The following CDKL2 variants were observed in gnomAD, a reference collection of about 807,000 sequenced individuals.
CDKL2 encodes the protein cyclin dependent kinase like 2.
CDKL2 carries 64 observed loss-of-function variants against 63.9 expected under a neutral mutation model. The ratio of observed to expected loss-of-function variants is 1.00; its 90% CI spans 0.82 to 1.23. The LOEUF is 1.23. Ranked by LOEUF, CDKL2 falls within the 50% of genes most tolerant of loss-of-function variation. The probability of loss-of-function intolerance (pLI) is 0.00; values close to 1 mark genes in which losing one functional copy is unlikely to be tolerated. For synonymous variants in CDKL2, 211 were observed against 229.2 expected (o/e 0.92, Z 0.72); for missense variants, 656 against 668.0 (o/e 0.98, Z 0.20).
intron 2 of CDKL2, among the ~76,000 whole-genome samples, chr4:75,622,413 G>A (rs1038065373): frequency 4.6e-5 from 7 of 151,954 alleles, no homozygotes; most frequent in African/African-American, 7.2e-5. Context: ...TACTAATGAC[G>A]AAGTGTATGT....
At chr4:75,585,053 TTAAATA>T (rs1164231843) in intron 12 of CDKL2, among the ~76,000 whole-genome samples, 1 of 152,044 alleles carries the variant, frequency 6.6e-6, no homozygotes, top group African/African-American at 2.4e-5. Flanking sequence ...AAGAAACACT[TTAAATA>T]TAAATATAAA....
At chr4:75,606,683 GA>G (rs971346555) in intron 4 of CDKL2, among the ~76,000 whole-genome samples, 4 of 152,124 alleles carry the variant, frequency 2.6e-5, no homozygotes, top group Non-Finnish European at 5.9e-5. Flanking sequence ...CAGTAATCAA[GA>G]AAATAATAAA....
chr4:75,605,151 C>T (rs943899301), intron 5 of CDKL2, among the ~76,000 whole-genome samples: 2 of 152,150 alleles, frequency 1.3e-5, no homozygotes, highest in African/African-American at 4.8e-5. Flanking sequence ...GTCAGGAGTT[C>T]GAGTCCAGAC....
intron 3 of CDKL2, among the ~76,000 whole-genome samples, chr4:75,608,921 G>T (rs1729550007): frequency 6.6e-6 from 1 of 151,574 alleles, no homozygotes; most frequent in Non-Finnish European, 1.5e-5. Context: ...TTGTACCCAG[G>T]AGGTGGAGGT....
At chr4:75,603,760 A>AAG in intron 6 of CDKL2, 57 bp downstream of exon 6, 1 of 960,158 alleles carries the variant, frequency 1.0e-6, no homozygotes, top group African/African-American at 1.7e-5. Flanking sequence ...AAAAAAAAAA[A>AAG]GGTCTTGATA....
intron 2 of CDKL2, among the ~76,000 whole-genome samples, chr4:75,618,598 T>G (rs1238074396): frequency 6.6e-6 from 1 of 152,116 alleles, no homozygotes; most frequent in African/African-American, 2.4e-5. Context: ...AAAAATCTTC[T>G]TAAACATATA....
chr4:75,595,315 A>G (rs951606868), intron 10 of CDKL2, among the ~76,000 whole-genome samples: 1 of 151,724 alleles, frequency 6.6e-6, no homozygotes, highest in African/African-American at 2.4e-5. Context: ...GGCTCAAGCA[A>G]CCCACCCATC....
chr4:75,607,209 TAGTTCTGG>T lies in CDKL2; in HGVS notation c.508_515del (p.Pro170IlefsTer4). On this transcript the variant is annotated frameshift_variant, in exon 4 of 14. Transcript: ENST00000307465. LOFTEE classifies it high-confidence loss of function. Reference sequence around the variant, plus strand: ...TGCCATACTTGACATCACCAACCAATAGTTCTGGAGCTCTGTACCATCGGGTTGCCACA... The same window carrying T: ...TGCCATACTTGACATCACCAACCAATAGCTCTGTACCATCGGGTTGCCACA... 6.2e-7 allele frequency: 1 copy of T among 1,610,582 alleles called. No homozygotes were observed. The highest frequency in any genetic ancestry group is 8.5e-7 in the Non-Finnish European group (1 of 1,177,958).
intron 5 of CDKL2, 51 bp downstream of exon 5, chr4:75,605,471 C>A (rs772660585): frequency 9.0e-7 from 1 of 1,106,146 alleles, no homozygotes; most frequent in Admixed American, 2.0e-5. Flanking sequence ...CAGGCACAAA[C>A]AAATATGCAG....
At position 75,581,873 on chromosome 4, in the gene CDKL2, T is replaced by A; in HGVS notation, c.1673A>T (p.Asp558Val). The stretch of plus-strand genomic sequence containing the variant: ...CATTTGAGGCAAATCAGCCCCTGAA[T>A]CATCTGACAGGGGAGGTCCTGATAC... ...HQVSGPPLSDDSGADLPQMEH... is the reference protein window; with the variant it reads ...HQVSGPPLSDVSGADLPQMEH... The change falls in exon 13 of 14, where the codon GAT (aspartate) becomes GTT (valine). Residue 558 changes from aspartate to valine, a missense_variant. Coordinates refer to ENST00000307465, the MANE Select transcript of CDKL2 (RefSeq NM_001330724.2). The A allele has an allele frequency of 6.2e-7, 1 of 1,612,338 alleles. No individual in the cohort carries two copies. Among genetic ancestry groups the A allele is most frequent in the Non-Finnish European group, 8.5e-7 (1 of 1,178,658 alleles).
intron 12 of CDKL2, among the ~76,000 whole-genome samples, chr4:75,591,581 A>G (rs543587403): frequency 2.5e-4 from 38 of 152,210 alleles, no homozygotes; most frequent in Non-Finnish European, 5.3e-4. Context: ...TGGGCACCAG[A>G]GTGAGACCAT....
chr4:75,622,712 C>T (rs1578354236), intron 2 of CDKL2, among the ~76,000 whole-genome samples: 1 of 15,488 alleles, frequency 6.5e-5, no homozygotes, highest in Non-Finnish European at 1.2e-4. Flanking sequence ...AGCAAGACTC[C>T]ATCAAAAAAA....
At position 75,626,056 on chromosome 4, in the gene CDKL2, C is replaced by T. The variant is rs941543396; in HGVS notation, c.-29-39G>A. 5.0e-5 allele frequency: 63 copies of T among 1,271,138 alleles called. 2 individuals are homozygous for T. The South Asian group carries it at 5.7e-4, about 12-fold the overall frequency. The allele number at this position is 1,271,138 out of a possible 1,614,324, so 78.7% of individuals were successfully genotyped here. On this transcript the variant is annotated intron_variant, in intron 1 of 13. Transcript: ENST00000307465. ...AACATAGATTTAACAAAGTTGAGTA[C>T]GTTAATTTCCTCCGCCTTCCCAGCA...
chr4:75,618,604 A>G lies in CDKL2; in HGVS notation c.169-4155T>C, dbSNP rs574170815. 2.1e-3 allele frequency among the ~76,000 whole-genome samples: 326 copies of G among 152,256 alleles called. 1 individual carries two copies. The highest frequency in any genetic ancestry group is 7.7e-3 in the African/African-American group (318 of 41,532). On this transcript the variant is annotated intron_variant, in intron 2 of 13. Coordinates refer to ENST00000307465, the MANE Select transcript of CDKL2 (RefSeq NM_001330724.2). ...TAATTTTCAAAAAATCTTCTTAAAC[A>G]TATAAAAGGCTAAAACGACAGTGAG...
intron 2 of CDKL2, among the ~76,000 whole-genome samples, chr4:75,620,149 G>C (rs557311294): frequency 6.6e-6 from 1 of 152,094 alleles, no homozygotes; most frequent in Admixed American, 6.6e-5. Flanking sequence ...AGCCATAATT[G>C]CACCACTGCA....
In CDKL2 at chr4:75,625,994, T is replaced by C. The variant is rs1730388959; in HGVS notation, c.-6A>G. 1 of 1,606,610 alleles carries C rather than the reference T, an allele frequency of 6.2e-7. No homozygotes were observed. Among genetic ancestry groups the C allele is most frequent in the East Asian group, 2.2e-5 (1 of 44,782 alleles). On this transcript the variant is annotated 5_prime_UTR_variant, in exon 2 of 14. Transcript: ENST00000307465. ...AGGTTTTCATATTTTTCCATTTTAA[T>C]TTAAAGTCCGTAGAAACTTTTTGCT...
At chr4:75,608,469 G>A (rs17280938) in intron 3 of CDKL2, among the ~76,000 whole-genome samples, 44,220 of 151,840 alleles carry the variant, frequency 0.29, 7,853 homozygotes, top group East Asian at 0.77. Flanking sequence ...AAGTGGAGGC[G>A]GAATATCTCA....
intron 1 of CDKL2, among the ~76,000 whole-genome samples, chr4:75,629,829 T>G (rs973795893): frequency 1.7e-4 from 25 of 151,282 alleles, no homozygotes; most frequent in Non-Finnish European, 1.3e-4. Flanking sequence ...TCCCAGCTAC[T>G]TGGGAGGCTG....
chr4:75,622,649 T>C (rs1443368640), intron 2 of CDKL2, among the ~76,000 whole-genome samples: 1 of 125,402 alleles, frequency 8.0e-6, no homozygotes, highest in Non-Finnish European at 1.5e-5. Context: ...ACCCAGCGGG[T>C]AGAAGTTGCA....
Sources: gnomAD v4.1 joint callset for allele counts (sites outside exome capture counted in the v4.1 genomes callset) on GRCh38, gnomAD v4.1.1 for gene constraint, MANE v1.5 for transcripts, NCBI Gene and HGNC (gene_info 2026-07-23, HGNC 2026-07-21) for gene names.